GCNT2: variants seen among roughly 807,000 people sequenced by gnomAD.
GCNT2 encodes the protein glucosaminyl (N-acetyl) transferase 2 (I blood group).
A neutral mutation model predicts 34.2 loss-of-function variants in GCNT2; 34 were observed. That is an observed-to-expected ratio of 1.00 (90% confidence interval 0.76 to 1.32). The LOEUF is 1.32. Ranked by LOEUF, GCNT2 falls within the 40% of genes most tolerant of loss-of-function variation. GCNT2 has a pLI of 0.00. For missense variants in GCNT2, 584 were observed against 489.4 expected (o/e 1.19, Z -1.82); for synonymous variants, 212 against 188.0 (o/e 1.13, Z -1.04).
intron 3 of GCNT2, among the ~76,000 whole-genome samples, chr6:10,616,722 G>A (rs982505590): frequency 6.6e-6 from 1 of 152,154 alleles, no homozygotes; most frequent in Non-Finnish European, 1.5e-5. Flanking sequence ...GCTGATTGGT[G>A]TGTTTACAAA....
At chr6:10,532,845 A>G (rs1020735432) in intron 3 of GCNT2, among the ~76,000 whole-genome samples, 6 of 147,588 alleles carry the variant, frequency 4.1e-5, no homozygotes, top group African/African-American at 1.0e-4. Context: ...TATTCCGGCT[A>G]TGTGGAGATC....
intron 3 of GCNT2, among the ~76,000 whole-genome samples, chr6:10,579,826 C>CAAAAAAAAAA (rs61490868): frequency 3.3e-4 from 30 of 89,906 alleles, no homozygotes; most frequent in Admixed American, 5.2e-4. Context: ...AAAAAACAAA[C>CAAAAAAAAAA]AAAAAAAAAA....
At chr6:10,576,218 T>C (rs1763802608) in intron 3 of GCNT2, among the ~76,000 whole-genome samples, 1 of 152,142 alleles carries the variant, frequency 6.6e-6, no homozygotes, top group African/African-American at 2.4e-5. Context: ...CTTCGTGACA[T>C]GAAGAGTTGT....
rs1761510852 is a variant in GCNT2 at position 10,531,913 on chromosome 6, GAAA to G, written c.925+2080_925+2082del. Among the ~76,000 whole-genome samples the G allele has an allele frequency of 7.7e-5, 10 of 129,794 alleles. 1 individual carries two copies. In the South Asian group the frequency reaches 2.6e-3, roughly 33 times the overall value. 85.1% of individuals were successfully genotyped at this position (129,794 alleles called of 152,430 possible). Reference sequence around the variant, plus strand: ...TTTTTTTAGAGAAGACCAAGACAAAGAAAAAGGATAATTGATTTGGAAAAGACT... The same window carrying G: ...TTTTTTTAGAGAAGACCAAGACAAAGAAGGATAATTGATTTGGAAAAGACT... On this transcript the variant is annotated intron_variant, in intron 3 of 4. Coordinates refer to ENST00000495262, the MANE Select transcript of GCNT2 (RefSeq NM_145649.5).
chr6:10,582,232 T>A (rs1764113184), intron 3 of GCNT2, among the ~76,000 whole-genome samples: 5 of 121,918 alleles, frequency 4.1e-5, no homozygotes, highest in East Asian at 2.1e-4. Context: ...TTATATATAT[T>A]TAAATATATA....
At chr6:10,613,029 T>A (rs1014807242) in intron 3 of GCNT2, among the ~76,000 whole-genome samples, 3 of 152,328 alleles carry the variant, frequency 2.0e-5, no homozygotes, top group Admixed American at 1.3e-4. Flanking sequence ...CATTGACTAT[T>A]TAACATTTAA....
intron 3 of GCNT2, chr6:10,557,109 A>G (rs1277992655): frequency 6.4e-7 from 1 of 1,565,520 alleles, no homozygotes. Context: ...CGGACTAAAT[A>G]TGTCCACCAA....
At chr6:10,521,901 AT>A (rs35881878) in intron 1 of GCNT2, among the ~76,000 whole-genome samples, 1,961 of 145,478 alleles carry the variant, frequency 0.013, 41 homozygotes, top group African/African-American at 0.041. Context: ...TGGCATTTAA[AT>A]TTTTTTTTTT....
rs1367803312 is a variant in GCNT2, at chr6:10,626,590, C to T, written c.1192C>T (p.Pro398Ser). The change falls in exon 5 of 5, where the codon CCC (proline) becomes TCC (serine). Residue 398 changes from proline to serine, a missense_variant. Physicochemically the swap from Pro to Ser is moderately conservative, Grantham distance 74. Transcript: ENST00000495262. The stretch of plus-strand genomic sequence containing the variant: ...CAATCAGAGTGAAACTGCGATACAA[C>T]CCAGCTGGTATTTTTGAGCTATTCA... ...TLNQSETAIQ[P>S]SWYF 5 of 1,613,278 alleles carry T rather than the reference C, an allele frequency of 3.1e-6. No individual in the cohort carries two copies. Among genetic ancestry groups the T allele is most frequent in the Admixed American group, 1.7e-5 (1 of 60,008 alleles).
At chr6:10,583,221 C>T (rs1025258422) in intron 3 of GCNT2, among the ~76,000 whole-genome samples, 3 of 152,190 alleles carry the variant, frequency 2.0e-5, no homozygotes, top group African/African-American at 4.8e-5. Flanking sequence ...CAATATCCAT[C>T]GCATCCACGG....
At chr6:10,594,248 C>T (rs925444690) in intron 3 of GCNT2, among the ~76,000 whole-genome samples, 7 of 152,178 alleles carry the variant, frequency 4.6e-5, no homozygotes, top group Non-Finnish European at 7.3e-5. Flanking sequence ...ACTGCTGACA[C>T]GGACCATCTT....
At chr6:10,616,814 G>A (rs1459727165) in intron 3 of GCNT2, among the ~76,000 whole-genome samples, 1 of 151,842 alleles carries the variant, frequency 6.6e-6, no homozygotes, top group Non-Finnish European at 1.5e-5. Context: ...CCCAACCAGA[G>A]TAACTAGACA....
rs138247932 is a variant in GCNT2 at position 10,587,120 on chromosome 6, G to A, written c.926-34231G>A. 6.6e-5 allele frequency among the ~76,000 whole-genome samples: 10 copies of A among 152,268 alleles called. No homozygotes were observed. The East Asian group carries it at 1.7e-3, about 26-fold the overall frequency. Reference sequence around the variant, plus strand: ...GATCTAAGAAATGCTGGCTGCAGTCGCCCCAGCAAAACTAACTTTGATTAC... The same window carrying A: ...GATCTAAGAAATGCTGGCTGCAGTCACCCCAGCAAAACTAACTTTGATTAC... On this transcript the variant is annotated intron_variant, in intron 3 of 4. Coordinates refer to ENST00000495262, the MANE Select transcript of GCNT2 (RefSeq NM_145649.5).
intron 3 of GCNT2, among the ~76,000 whole-genome samples, chr6:10,539,335 A>G (rs1761932687): frequency 6.6e-6 from 1 of 151,536 alleles, no homozygotes; most frequent in Admixed American, 6.6e-5. Flanking sequence ...GATTACAGGT[A>G]TGCACTACCA....
rs3798702 is a variant in GCNT2 at position 10,587,188 on chromosome 6, G to A, written c.926-34163G>A. 0.04 allele frequency among the ~76,000 whole-genome samples: 6,143 copies of A among 152,092 alleles called. 387 individuals carry two copies. The highest frequency in any genetic ancestry group is 0.14 in the African/African-American group (5,615 of 41,456). ...ACTGTTGTTTGAATTAATACTTTTC[G>A]TAGTCCTTGATAAACACAGCTGTAA... On this transcript the variant is annotated intron_variant, in intron 3 of 4. Coordinates refer to ENST00000495262, the MANE Select transcript of GCNT2 (RefSeq NM_145649.5).
intron 3 of GCNT2, among the ~76,000 whole-genome samples, chr6:10,597,558 G>T (rs1581464534): frequency 1.3e-5 from 2 of 152,254 alleles, no homozygotes; most frequent in Admixed American, 1.3e-4. Context: ...TCTTTTCAAA[G>T]ATATTTGTAA....
chr6:10,523,122 GA>G (rs1452298635), intron 1 of GCNT2, among the ~76,000 whole-genome samples: 4 of 152,172 alleles, frequency 2.6e-5, no homozygotes, highest in Non-Finnish European at 5.9e-5. Context: ...GACTGAGCTT[GA>G]AAAGACCAGC....
chr6:10,607,356 G>GC (rs1461634029), intron 3 of GCNT2, among the ~76,000 whole-genome samples: 2 of 152,146 alleles, frequency 1.3e-5, no homozygotes, highest in African/African-American at 4.8e-5. Context: ...CATGGCTGGA[G>GC]CAGGAGGAAG....
intron 3 of GCNT2, among the ~76,000 whole-genome samples, chr6:10,541,812 G>A (rs114513757): frequency 0.011 from 1,609 of 152,224 alleles, 29 homozygotes; most frequent in African/African-American, 0.037. Flanking sequence ...GGTTATCTTT[G>A]AGGACCCAGT....
Sources: gnomAD v4.1 joint callset for allele counts (sites outside exome capture counted in the v4.1 genomes callset) on GRCh38, gnomAD v4.1.1 for gene constraint, MANE v1.5 for transcripts, NCBI Gene and HGNC (gene_info 2026-07-23, HGNC 2026-07-21) for gene names.